ALDH9A1: variants seen among roughly 807,000 people sequenced by gnomAD.
ALDH9A1 encodes aldehyde dehydrogenase 9 family member A1.
ALDH9A1 carries 42 observed loss-of-function variants against 56.6 expected under a neutral mutation model. The observed-to-expected ratio is 0.74, with a 90% CI of 0.58 to 0.96. ALDH9A1 has a LOEUF of 0.96. Ranked by LOEUF, ALDH9A1 falls within the 40% of genes least tolerant of loss-of-function variation. The pLI is 0.00. For missense variants in ALDH9A1, 661 were observed against 651.5 expected (o/e 1.01, Z -0.16); for synonymous variants, 242 against 236.0 (o/e 1.03, Z -0.23).
intron 6 of ALDH9A1, among the ~76,000 whole-genome samples, chr1:165,673,403 T>C (rs1004758461): frequency 1.3e-5 from 2 of 152,172 alleles, no homozygotes; most frequent in Admixed American, 1.3e-4. Flanking sequence ...CATTCTTTAT[T>C]CCTTTACTTT....
intron 7 of ALDH9A1, 116 bp downstream of exon 7, chr1:165,669,146 C>T: frequency 7.6e-7 from 1 of 1,316,012 alleles, no homozygotes; most frequent in Non-Finnish European, 1.1e-6. Flanking sequence ...GCCAGGGATG[C>T]TAATAGTCCA....
Position 165,683,046 on chromosome 1 carries a change from C to A in ALDH9A1, c.392G>T (p.Arg131Leu), listed in dbSNP as rs200491291. ...INNGKSIFEA[R>L]LDIDISWQCL... ...CTGCCAGGAAATGTCAATGTCCAAG[C>A]GGGCCTCAAAGATGGACTTGCCATT... Residue 131 changes from arginine (R) to leucine (L), a missense_variant, in exon 3 of 11, where the codon CGC (arginine) becomes CTC (leucine). Coordinates refer to ENST00000354775, the MANE Select transcript of ALDH9A1 (RefSeq NM_000696.4). The A allele has an allele frequency of 1.2e-6, 2 of 1,614,002 alleles. No individual in the cohort carries two copies. The highest frequency in any genetic ancestry group is 1.7e-6 in the Non-Finnish European group (2 of 1,179,948).
At chr1:165,693,878 T>C (rs923215842) in intron 2 of ALDH9A1, among the ~76,000 whole-genome samples, 5 of 152,122 alleles carry the variant, frequency 3.3e-5, no homozygotes, top group Admixed American at 6.6e-5. Context: ...TGGAATACTA[T>C]GCAGCCATTA....
At chr1:165,690,187 GTATA>G (rs1185197866) in intron 2 of ALDH9A1, among the ~76,000 whole-genome samples, 1 of 145,466 alleles carries the variant, frequency 6.9e-6, no homozygotes, top group African/African-American at 2.5e-5. Flanking sequence ...GTATAATTAT[GTATA>G]TGTATATTAT....
At chr1:165,675,588 G>A (rs762601889) in intron 6 of ALDH9A1, among the ~76,000 whole-genome samples, 6 of 152,280 alleles carry the variant, frequency 3.9e-5, no homozygotes, top group Middle Eastern at 3.4e-3. Context: ...AGGATGGGGA[G>A]CAGTAACACT....
At chr1:165,686,355 G>A (rs1308353517) in intron 2 of ALDH9A1, among the ~76,000 whole-genome samples, 2 of 152,060 alleles carry the variant, frequency 1.3e-5, no homozygotes, top group African/African-American at 4.8e-5. Flanking sequence ...GGGAGTTTAG[G>A]GAACTTTGAG....
rs1273595426 is a variant in ALDH9A1, at chr1:165,680,638, G to T, written c.638C>A (p.Ala213Glu). 1 of 1,613,824 alleles carries T rather than the reference G, an allele frequency of 6.2e-7. No homozygotes were observed. Among genetic ancestry groups the T allele is most frequent in the Non-Finnish European group, 8.5e-7 (1 of 1,179,958 alleles). The part of the protein sequence containing the change: ...FKPSPFTPVS[A>E]LLLAEIYSEA... The stretch of plus-strand genomic sequence containing the variant: ...ACTGTAGATTTCAGCCAGTAGCAAT[G>T]CAGAAACAGGTGTAAAGGGAGAAGG... The change falls in exon 5 of 11, where the codon GCA becomes GAA. Residue 213 changes from alanine (A) to glutamate (E), a missense_variant. By Grantham distance (107) the Ala-to-Glu change is moderately radical (BLOSUM62 -1). Transcript: ENST00000354775.
chr1:165,682,600 C>T (rs998046418), intron 3 of ALDH9A1, among the ~76,000 whole-genome samples: 1 of 152,040 alleles, frequency 6.6e-6, no homozygotes, highest in African/African-American at 2.4e-5. Flanking sequence ...CCTTCCTAGG[C>T]CCTACCAACC....
At chr1:165,669,737 GCAC>G (rs1649118858) in intron 6 of ALDH9A1, among the ~76,000 whole-genome samples, 1 of 151,858 alleles carries the variant, frequency 6.6e-6, no homozygotes, top group South Asian at 2.1e-4. Flanking sequence ...ATAACCCACA[GCAC>G]CTCTCCTACT....
intron 6 of ALDH9A1, among the ~76,000 whole-genome samples, chr1:165,671,998 T>C (rs1649192956): frequency 1.3e-5 from 2 of 152,216 alleles, no homozygotes; most frequent in Admixed American, 6.5e-5. Flanking sequence ...ATTGGAAACT[T>C]TGTGCATTGC....
intron 3 of ALDH9A1, among the ~76,000 whole-genome samples, chr1:165,682,641 A>T (rs1227135016): frequency 1.3e-5 from 2 of 152,130 alleles, no homozygotes; most frequent in Non-Finnish European, 2.9e-5. Flanking sequence ...AACTTTATAC[A>T]CTGTCAAAAA....
intron 2 of ALDH9A1, among the ~76,000 whole-genome samples, chr1:165,692,733 C>G (rs1649934532): frequency 6.6e-6 from 1 of 150,396 alleles, no homozygotes; most frequent in Non-Finnish European, 1.5e-5. Flanking sequence ...TCATATGGAA[C>G]CAAAAAAGAG....
At chr1:165,675,959 G>C (rs1649343092) in intron 6 of ALDH9A1, among the ~76,000 whole-genome samples, 1 of 152,154 alleles carries the variant, frequency 6.6e-6, no homozygotes, top group Admixed American at 6.5e-5. Flanking sequence ...TCTATGATGA[G>C]CAATTAGATA....
chr1:165,684,169 T>A (rs1445941371), intron 2 of ALDH9A1, among the ~76,000 whole-genome samples: 1 of 152,208 alleles, frequency 6.6e-6, no homozygotes, highest in Non-Finnish European at 1.5e-5. Context: ...CACGCTGTAT[T>A]TCTTATAAAG....
chr1:165,683,064 T>G lies in ALDH9A1; in HGVS notation c.374A>C (p.Lys125Thr), dbSNP rs141131078. ...IATMECINNG[K>T]SIFEARLDID... ...GTCCAAGCGGGCCTCAAAGATGGAC[T>G]TGCCATTGTTGATGCACTCCATAGT... The change falls in exon 3 of 11, where the codon AAG becomes ACG. Residue 125 changes from lysine (K) to threonine (T), a missense_variant. Physicochemically the swap from Lys to Thr is moderately conservative, Grantham distance 78. Transcript: ENST00000354775. 1.6e-4 allele frequency: 266 copies of G among 1,614,106 alleles called. 1 individual carries two copies. In the East Asian group the frequency reaches 5.8e-3, roughly 35 times the overall value.
chr1:165,674,244 C>T (rs1649270725), intron 6 of ALDH9A1, among the ~76,000 whole-genome samples: 1 of 149,638 alleles, frequency 6.7e-6, no homozygotes, highest in South Asian at 2.1e-4. Context: ...CAACCAGCAG[C>T]CCCTGGGGCA....
intron 2 of ALDH9A1, among the ~76,000 whole-genome samples, chr1:165,691,850 C>CA (rs1649902552): frequency 6.6e-6 from 1 of 152,182 alleles, no homozygotes; most frequent in South Asian, 2.1e-4. Context: ...AATCCAGTAG[C>CA]ACATCAAAAA....
intron 6 of ALDH9A1, among the ~76,000 whole-genome samples, chr1:165,673,073 T>C (rs955668594): frequency 1.5e-5 from 2 of 130,180 alleles, no homozygotes; most frequent in Admixed American, 7.9e-5. Flanking sequence ...ATCATCACAA[T>C]ATATAAGGAA....
intron 6 of ALDH9A1, among the ~76,000 whole-genome samples, chr1:165,678,833 C>G (rs1649451588): frequency 6.6e-6 from 1 of 152,154 alleles, no homozygotes; most frequent in African/African-American, 2.4e-5. Flanking sequence ...AAGGAACATT[C>G]TACAAAATGA....
Sources: allele counts gnomAD v4.1 joint callset (sites outside exome capture counted in the v4.1 genomes callset), GRCh38; gene constraint gnomAD v4.1.1; transcripts MANE v1.5; gene names NCBI Gene and HGNC (gene_info 2026-07-23, HGNC 2026-07-21).